Variants in PPARGC1A observed in about 807,000 individuals in gnomAD.
PPARGC1A encodes PPARG coactivator 1 alpha, also known as peroxisome proliferator-activated receptor gamma coactivator 1-alpha.
In PPARGC1A, 25 loss-of-function variants were observed where a neutral mutation model predicts 88.7. The ratio of observed to expected loss-of-function variants is 0.28; its 90% CI spans 0.21 to 0.39. The LOEUF (loss-of-function observed/expected upper bound fraction) is 0.39, where lower values mean the gene tolerates loss of function less well. Among genes scored for constraint, PPARGC1A ranks in the 10% least tolerant of loss-of-function variants. PPARGC1A has a pLI of 1.00. For synonymous variants in PPARGC1A, 363 were observed against 355.6 expected, an observed-to-expected ratio of 1.02 and a Z score of -0.24; for missense variants, 880 against 968.7, an observed-to-expected ratio of 0.91 and a Z score of 1.22.
At chr4:24,325,265 A>G in the PPARGC1A span, among the ~76,000 whole-genome samples, 1 of 152,142 alleles carries the variant, frequency 6.6e-6, no homozygotes, top group African/African-American at 2.4e-5. Flanking sequence ...TGCTCCCGAC[A>G]TTAAATAAAA....
the PPARGC1A span, among the ~76,000 whole-genome samples, chr4:24,016,346 C>T: frequency 6.6e-6 from 1 of 152,244 alleles, no homozygotes; most frequent in African/African-American, 2.4e-5. Context: ...ATATTTGAAC[C>T]AATCGGCCAA....
chr4:24,324,949 G>A, the PPARGC1A span, among the ~76,000 whole-genome samples: 16 of 152,098 alleles, frequency 1.1e-4, no homozygotes, highest in East Asian at 5.8e-4. Context: ...CCTCCACCCT[G>A]TAATCTTTTT....
At chr4:23,820,442 C>A in intron 7 of PPARGC1A, 1 of 216,812 alleles carries the variant, frequency 4.6e-6, no homozygotes, top group South Asian at 5.7e-5. Context: ...TACCCAAATT[C>A]CTTCGTGTCT....
At chr4:24,027,411 G>T in the PPARGC1A span, among the ~76,000 whole-genome samples, 1 of 152,098 alleles carries the variant, frequency 6.6e-6, no homozygotes, top group Admixed American at 6.6e-5. Context: ...ATAATGGAGT[G>T]TTTATCTCAT....
At chr4:24,208,929 G>A in the PPARGC1A span, among the ~76,000 whole-genome samples, 1 of 151,922 alleles carries the variant, frequency 6.6e-6, no homozygotes, top group East Asian at 1.9e-4. Context: ...GAGGTAGAGG[G>A]AATTGTTCAA....
the PPARGC1A span, among the ~76,000 whole-genome samples, chr4:23,963,696 C>A: frequency 3.3e-5 from 5 of 152,162 alleles, no homozygotes; most frequent in African/African-American, 1.2e-4. Context: ...GTCAGCTTAC[C>A]TCTCCATAAA....
the PPARGC1A span, among the ~76,000 whole-genome samples, chr4:24,449,757 C>T: frequency 5.9e-5 from 9 of 152,154 alleles, no homozygotes; most frequent in Non-Finnish European, 8.8e-5. Context: ...TTTTGAAATA[C>T]CACTCTATAT....
the PPARGC1A span, among the ~76,000 whole-genome samples, chr4:24,127,538 TAC>T: frequency 1.2e-4 from 18 of 151,656 alleles, no homozygotes; most frequent in Middle Eastern, 3.4e-3. Flanking sequence ...TATATATATA[TAC>T]ACACACACAC....
chr4:24,049,837 C>A, the PPARGC1A span, among the ~76,000 whole-genome samples: 1 of 152,098 alleles, frequency 6.6e-6, no homozygotes, highest in African/African-American at 2.4e-5. Flanking sequence ...TCAGTGCCAC[C>A]TAGGAATTCC....
the PPARGC1A span, among the ~76,000 whole-genome samples, chr4:24,427,145 A>T: frequency 6.6e-6 from 1 of 152,126 alleles, no homozygotes; most frequent in Non-Finnish European, 1.5e-5. Flanking sequence ...AGTAAGGTCA[A>T]TTTTTTTACA....
At chr4:24,202,945 G>A in the PPARGC1A span, among the ~76,000 whole-genome samples, 1 of 152,264 alleles carries the variant, frequency 6.6e-6, no homozygotes, top group East Asian at 1.9e-4. Flanking sequence ...GAGAGGGCAG[G>A]TCACCAAATC....
the PPARGC1A span, among the ~76,000 whole-genome samples, chr4:24,055,209 A>G: frequency 6.6e-6 from 1 of 152,206 alleles, no homozygotes; most frequent in Non-Finnish European, 1.5e-5. Flanking sequence ...TGATTCCAGA[A>G]TGTACTCTCT....
the PPARGC1A span, among the ~76,000 whole-genome samples, chr4:24,128,053 G>T: frequency 6.6e-6 from 1 of 152,102 alleles, no homozygotes; most frequent in African/African-American, 2.4e-5. Flanking sequence ...ATATGGGAAT[G>T]ACCTCCCATT....
the PPARGC1A span, among the ~76,000 whole-genome samples, chr4:23,965,634 C>T: frequency 2.0e-5 from 3 of 152,156 alleles, no homozygotes; most frequent in African/African-American, 7.2e-5. Context: ...TTGTTAGCTA[C>T]TAAGCAGCAG....
intron 7 of PPARGC1A, 121 bp downstream of exon 7, chr4:23,824,159 C>G (rs1723493186): frequency 1.3e-6 from 1 of 779,712 alleles, no homozygotes; most frequent in Non-Finnish European, 2.0e-6. Flanking sequence ...AACTTCTTAT[C>G]CAATTTTGTA....
At chr4:24,456,891 G>T in the PPARGC1A span, among the ~76,000 whole-genome samples, 2 of 152,248 alleles carry the variant, frequency 1.3e-5, no homozygotes, top group East Asian at 3.9e-4. Context: ...GTATGGTGGG[G>T]ATGAAGTCTT....
At chr4:23,922,229 G>T in the PPARGC1A span, among the ~76,000 whole-genome samples, 1 of 152,188 alleles carries the variant, frequency 6.6e-6, no homozygotes, top group African/African-American at 2.4e-5. Context: ...AAGAGAAATT[G>T]ATTCCAGCTG....
At chr4:23,832,987 T>G (rs1048080000) in intron 2 of PPARGC1A, among the ~76,000 whole-genome samples, 2 of 152,076 alleles carry the variant, frequency 1.3e-5, no homozygotes, top group African/African-American at 4.8e-5. Flanking sequence ...ACCAACACAC[T>G]CATAGAAAGC....
the PPARGC1A span, among the ~76,000 whole-genome samples, chr4:24,155,697 A>G: frequency 1.3e-5 from 2 of 152,196 alleles, no homozygotes; most frequent in African/African-American, 4.8e-5. Flanking sequence ...ACACACAAAC[A>G]CTGAGGCAAG....
Sources: gnomAD v4.1 joint callset for allele counts (sites outside exome capture counted in the v4.1 genomes callset) on GRCh38, gnomAD v4.1.1 for gene constraint, MANE v1.5 for transcripts, NCBI Gene and HGNC (gene_info 2026-07-23, HGNC 2026-07-21) for gene names.